Variants in CSMD3 observed in about 807,000 individuals in gnomAD.
CSMD3 encodes the protein CUB and Sushi multiple domains 3.
A neutral mutation model predicts 435.2 loss-of-function variants in CSMD3; 177 were observed. The ratio of observed to expected loss-of-function variants is 0.41; its 90% confidence interval spans 0.36 to 0.46. The LOEUF (loss-of-function observed/expected upper bound fraction) is 0.46. Among genes scored for constraint, CSMD3 ranks in the 20% least tolerant of loss-of-function variants. CSMD3 has a pLI of 0.34. For synonymous variants in CSMD3, 1,656 were observed against 1,520.5 expected (o/e 1.09, Z -2.07); for missense variants, 4,265 against 4,504.6 (o/e 0.95, Z 1.52).
intron 16 of CSMD3, among the ~76,000 whole-genome samples, chr8:112,670,661 C>A (rs2075635262): frequency 6.6e-6 from 1 of 152,066 alleles, no homozygotes; most frequent in Non-Finnish European, 1.5e-5. Context: ...GGTCCTTGAG[C>A]CCTTGGCATG....
At chr8:112,280,549 T>A (rs1045475567) in intron 59 of CSMD3, among the ~76,000 whole-genome samples, 5 of 152,134 alleles carry the variant, frequency 3.3e-5, no homozygotes, top group Admixed American at 2.6e-4. Context: ...TAATTCTTCT[T>A]AATGAAAATA....
intron 10 of CSMD3, among the ~76,000 whole-genome samples, chr8:112,877,918 C>A (rs563004399): frequency 1.3e-5 from 2 of 152,228 alleles, no homozygotes; most frequent in East Asian, 3.9e-4. Flanking sequence ...AAAATTAACT[C>A]AAGGTGGGTT....
At chr8:112,890,484 G>A (rs1466548279) in intron 10 of CSMD3, among the ~76,000 whole-genome samples, 2 of 151,504 alleles carry the variant, frequency 1.3e-5, no homozygotes, top group African/African-American at 4.8e-5. Flanking sequence ...TTACATTGTA[G>A]GAAAAATATG....
chr8:112,227,346 A>T (rs1005229617), intron 70 of CSMD3, among the ~76,000 whole-genome samples: 7 of 152,224 alleles, frequency 4.6e-5, no homozygotes, highest in African/African-American at 1.7e-4. Flanking sequence ...CCATTTACGT[A>T]AAAAATATGC....
intron 13 of CSMD3, among the ~76,000 whole-genome samples, chr8:112,718,746 G>A (rs1284660639): frequency 6.6e-6 from 1 of 151,842 alleles, no homozygotes. Flanking sequence ...TTTGCTCTGA[G>A]CACGTATTAA....
chr8:113,310,794 T>C (rs1373407220), intron 2 of CSMD3: 1 of 151,748 alleles, frequency 6.6e-6, no homozygotes, highest in Non-Finnish European at 1.5e-5. Flanking sequence ...ATCTAAAATA[T>C]AGAAAATATA....
chr8:112,369,668 C>T lies in CSMD3; in HGVS notation c.6136+10684G>A, dbSNP rs376612392. ...ATAGGTGGGAGCTGAACAGTGAGAA[C>T]ACATGGACACAGGGAGGGGAACATC... is the stretch of plus-strand genomic sequence containing the variant. On this transcript the variant is annotated intron_variant, in intron 38 of 70. Transcript: ENST00000297405. Among the ~76,000 whole-genome samples, 35 of 152,096 alleles carry T rather than the reference C, an allele frequency of 2.3e-4. 1 individual carries two copies. In the South Asian group the frequency reaches 7.1e-3, roughly 31 times the overall value.
chr8:112,291,729 G>C (rs1485410527), intron 55 of CSMD3, 34 bp from the exon 56 acceptor site: 1 of 1,369,512 alleles, frequency 7.3e-7, no homozygotes, highest in Non-Finnish European at 1.0e-6. Flanking sequence ...ACATATGTTT[G>C]GAATAATATA....
chr8:112,652,459 A>G (rs2075152030), intron 18 of CSMD3, among the ~76,000 whole-genome samples: 1 of 152,208 alleles, frequency 6.6e-6, no homozygotes, highest in South Asian at 2.1e-4. Flanking sequence ...AATTACAGTA[A>G]AATTTAATTA....
intron 1 of CSMD3, among the ~76,000 whole-genome samples, chr8:113,385,112 A>C (rs1034314003): frequency 1.3e-5 from 2 of 152,148 alleles, no homozygotes; most frequent in Non-Finnish European, 2.9e-5. Context: ...TTCAAAAGTC[A>C]ATTACCAGGA....
At position 112,680,939 on chromosome 8, in the gene CSMD3, A is replaced by G. The variant is rs529297600; in HGVS notation, c.2677+1503T>C. On this transcript the variant is annotated intron_variant, in intron 16 of 70. Coordinates refer to ENST00000297405, the MANE Select transcript of CSMD3 (RefSeq NM_198123.2). ...AAAATAAGAAAAAGAAACTGCTTTT[A>G]AAATAATCAATTATTATATGACAAT... is the stretch of plus-strand genomic sequence containing the variant. 2.6e-4 allele frequency among the ~76,000 whole-genome samples: 39 copies of G among 152,278 alleles called. 1 individual carries two copies. Among genetic ancestry groups the G allele is most frequent in the African/African-American group, 8.4e-4 (35 of 41,588 alleles).
chr8:113,372,827 G>A (rs1588619607), intron 1 of CSMD3, among the ~76,000 whole-genome samples: 1 of 151,880 alleles, frequency 6.6e-6, no homozygotes, highest in African/African-American at 2.4e-5. Context: ...CCAGCTACTC[G>A]GGAGGCTGAG....
intron 1 of CSMD3, among the ~76,000 whole-genome samples, chr8:113,363,287 C>T (rs201376800): frequency 4.4e-5 from 1 of 22,898 alleles, no homozygotes; most frequent in Non-Finnish European, 1.9e-4. Context: ...TGCTTACACG[C>T]GTGTTTGTAT....
intron 10 of CSMD3, among the ~76,000 whole-genome samples, chr8:112,888,672 T>G (rs1484802401): frequency 1.3e-5 from 2 of 151,688 alleles, no homozygotes; most frequent in Non-Finnish European, 3.0e-5. Context: ...TGCATTTATT[T>G]GTTCGTTCAT....
At chr8:112,819,172 A>G (rs1242804509) in intron 12 of CSMD3, among the ~76,000 whole-genome samples, 1 of 152,082 alleles carries the variant, frequency 6.6e-6, no homozygotes, top group Non-Finnish European at 1.5e-5. Context: ...GGGCGGGTGG[A>G]CCGTTTGAAC....
At chr8:113,168,302 A>G (rs1284909045) in intron 4 of CSMD3, among the ~76,000 whole-genome samples, 1 of 151,952 alleles carries the variant, frequency 6.6e-6, no homozygotes, top group Non-Finnish European at 1.5e-5. Flanking sequence ...TAAGGCGGGC[A>G]GATCACGAGG....
intron 3 of CSMD3, among the ~76,000 whole-genome samples, chr8:113,218,854 G>C (rs1177979281): frequency 6.6e-6 from 1 of 150,822 alleles, no homozygotes. Context: ...GAGATATCTT[G>C]GGGATGGGAT....
At chr8:112,366,236 C>G (rs577471611) in intron 38 of CSMD3, among the ~76,000 whole-genome samples, 5 of 152,158 alleles carry the variant, frequency 3.3e-5, no homozygotes, top group Non-Finnish European at 5.9e-5. Context: ...AAGGAAAATA[C>G]TGCTTATTAT....
intron 27 of CSMD3, among the ~76,000 whole-genome samples, chr8:112,537,151 C>T (rs899054375): frequency 1.3e-5 from 2 of 151,574 alleles, no homozygotes; most frequent in Non-Finnish European, 2.9e-5. Context: ...CACATGTACC[C>T]TAAAACTTAA....
Sources: gnomAD v4.1 joint callset for allele counts (sites outside exome capture counted in the v4.1 genomes callset) on GRCh38, gnomAD v4.1.1 for gene constraint, MANE v1.5 for transcripts, NCBI Gene and HGNC (gene_info 2026-07-23, HGNC 2026-07-21) for gene names.